Variants in SHLD1 observed in about 807,000 individuals in gnomAD.
SHLD1 encodes the protein shieldin complex subunit 1.
A neutral mutation model predicts 5.5 loss-of-function variants in SHLD1; 3 were observed. The observed-to-expected ratio is 0.54, with a 90% CI of 0.25 to 1.40. The LOEUF (loss-of-function observed/expected upper bound fraction) is 1.40, where lower values mean the gene tolerates loss of function less well. SHLD1 is among the 40% of genes most tolerant of loss of function. The pLI is 0.15. For synonymous variants in SHLD1, 92 were observed against 94.3 expected (o/e 0.98, Z 0.14); for missense variants, 210 against 244.4 (o/e 0.86, Z 0.94).
At chr20:5,766,937 T>C (rs190756712) in intron 1 of SHLD1, among the ~76,000 whole-genome samples, 94 of 152,144 alleles carry the variant, frequency 6.2e-4, no homozygotes, top group African/African-American at 2.0e-3. Flanking sequence ...ACATATGTTT[T>C]TGAGATCTTT....
intron 2 of SHLD1, among the ~76,000 whole-genome samples, chr20:5,785,701 C>G (rs1381593105): frequency 6.8e-6 from 1 of 147,306 alleles, no homozygotes; most frequent in Non-Finnish European, 1.5e-5. Flanking sequence ...GAGGCTGAGA[C>G]AGGAGAATTG....
At chr20:5,862,222 T>A (rs1355634193) in intron 2 of SHLD1, among the ~76,000 whole-genome samples, 2 of 152,202 alleles carry the variant, frequency 1.3e-5, no homozygotes, top group African/African-American at 4.8e-5. Context: ...AGCGTAAAAA[T>A]TTAAAACACC....
intron 2 of SHLD1, among the ~76,000 whole-genome samples, chr20:5,792,787 C>T (rs922098570): frequency 5.3e-5 from 8 of 151,966 alleles, no homozygotes; most frequent in Admixed American, 5.3e-4. Flanking sequence ...GATTCATGTG[C>T]CTCAGCCTCC....
At chr20:5,839,110 A>G (rs1568526614) in intron 2 of SHLD1, among the ~76,000 whole-genome samples, 1 of 152,178 alleles carries the variant, frequency 6.6e-6, no homozygotes, top group East Asian at 1.9e-4. Flanking sequence ...GAGCTCTTTA[A>G]TTTCTTTAGA....
intron 2 of SHLD1, among the ~76,000 whole-genome samples, chr20:5,849,018 T>C (rs2087966220): frequency 6.6e-6 from 1 of 152,210 alleles, no homozygotes; most frequent in Admixed American, 6.5e-5. Context: ...ATTAAATATC[T>C]TGATATCCAC....
chr20:5,776,542 C>G (rs1190631484), intron 2 of SHLD1, among the ~76,000 whole-genome samples: 1 of 152,038 alleles, frequency 6.6e-6, no homozygotes, highest in East Asian at 1.9e-4. Flanking sequence ...GCGGGTGCAT[C>G]GCCTGAGGTC....
chr20:5,817,391 ATT>A (rs1240799479), intron 2 of SHLD1, among the ~76,000 whole-genome samples: 7 of 87,596 alleles, frequency 8.0e-5, no homozygotes, highest in African/African-American at 2.7e-4. Flanking sequence ...CTCACGGGAT[ATT>A]TTCTCTCTCT....
rs533313849 is a variant in SHLD1 at position 5,775,923 on chromosome 20, A to ATTTTTTTTTTTTTTTTTTTTTT, written c.178+2881_178+2902dup. Reference sequence around the variant, plus strand: ...TGCAGTACTGCCTGGTCAGCTCAGGATTTTTTTTTTTTTTTTTTTTTTGAG... The same window carrying ATTTTTTTTTTTTTTTTTTTTTT: ...TGCAGTACTGCCTGGTCAGCTCAGGATTTTTTTTTTTTTTTTTTTTTTTTTTTTTTTTTTTTTTTTTTTTGAG... On this transcript the variant is annotated intron_variant, in intron 2 of 2. Coordinates refer to ENST00000303142, the MANE Select transcript of SHLD1 (RefSeq NM_152504.4). Among the ~76,000 whole-genome samples the ATTTTTTTTTTTTTTTTTTTTTT allele has an allele frequency of 4.4e-4, 34 of 77,664 alleles. 7 individuals carry two copies. Among genetic ancestry groups the ATTTTTTTTTTTTTTTTTTTTTT allele is most frequent in the African/African-American group, 9.5e-4 (16 of 16,784 alleles). The allele number at this position is 77,664 out of a possible 152,430, so 51.0% of individuals were successfully genotyped here.
At chr20:5,775,447 T>G (rs936002429) in intron 2 of SHLD1, among the ~76,000 whole-genome samples, 2 of 152,218 alleles carry the variant, frequency 1.3e-5, no homozygotes, top group African/African-American at 4.8e-5. Context: ...TTATTGCCTG[T>G]TAGTTGACTA....
chr20:5,817,821 A>G (rs936931148), intron 2 of SHLD1, among the ~76,000 whole-genome samples: 22 of 152,168 alleles, frequency 1.4e-4, no homozygotes, highest in African/African-American at 4.8e-4. Context: ...CAGAAATTCC[A>G]GGCACCTGAA....
intron 1 of SHLD1, among the ~76,000 whole-genome samples, chr20:5,758,958 T>G (rs1219643577): frequency 6.8e-6 from 1 of 147,434 alleles, no homozygotes; most frequent in Non-Finnish European, 1.5e-5. Context: ...CAAGTTTTTT[T>G]TTTTTTTTTT....
At position 5,775,417 on chromosome 20, in the gene SHLD1, G is replaced by A. The variant is rs545680036; in HGVS notation, c.178+2374G>A. Among the ~76,000 whole-genome samples, 6 of 152,282 alleles carry A rather than the reference G, an allele frequency of 3.9e-5. No individual in the cohort carries two copies. The South Asian group carries it at 1.2e-3, about 32-fold the overall frequency. On this transcript the variant is annotated intron_variant, in intron 2 of 2. Transcript: ENST00000303142. ...GCTCTATTCCCTTAGGGAATTCAGT[G>A]TGGACTCAGTTTTTACTTTTTATTG...
In SHLD1 at chr20:5,855,183, T is replaced by C. The variant is rs997647875; in HGVS notation, c.179-7841T>C. On this transcript the variant is annotated intron_variant, in intron 2 of 2. Coordinates refer to ENST00000303142, the MANE Select transcript of SHLD1 (RefSeq NM_152504.4). This position sits in a 1 kb window ranked among gnomAD's most constrained non-coding sequence, Gnocchi z 4.4. Reference sequence around the variant, plus strand: ...GTGAGCCATAGCACCCAACCCTGTCTCTATAAATCTGACCACTTTAGGTAC... The same window carrying C: ...GTGAGCCATAGCACCCAACCCTGTCCCTATAAATCTGACCACTTTAGGTAC... Among the ~76,000 whole-genome samples the C allele has an allele frequency of 4.6e-5, 7 of 152,114 alleles. No homozygotes were observed. Among genetic ancestry groups the C allele is most frequent in the Non-Finnish European group, 1.0e-4 (7 of 67,994 alleles).
At chr20:5,839,286 G>A (rs1357002012) in intron 2 of SHLD1, among the ~76,000 whole-genome samples, 1 of 152,150 alleles carries the variant, frequency 6.6e-6, no homozygotes, top group Non-Finnish European at 1.5e-5. Context: ...AAAAATAGCT[G>A]ACACATTCTC....
At chr20:5,787,934 C>T (rs993142882) in intron 2 of SHLD1, among the ~76,000 whole-genome samples, 4 of 152,136 alleles carry the variant, frequency 2.6e-5, no homozygotes, top group Non-Finnish European at 5.9e-5. Flanking sequence ...CTCTCAAAAG[C>T]CCCTGGCTTT....
In SHLD1 at chr20:5,755,565, CT is replaced by C. The variant is rs35303106; in HGVS notation, c.-5+5097del. Among the ~76,000 whole-genome samples, 107 of 146,930 alleles carry C rather than the reference CT, an allele frequency of 7.3e-4. 2 individuals are homozygous for C. The highest frequency in any genetic ancestry group is 8.6e-4 in the South Asian group (4 of 4,642). Reference sequence around the variant, plus strand: ...GGAAGAACATTTTCTTTTTCTTTTTCTTTTTTTTTTTGAGATGGAGTTTCAC... The same window carrying C: ...GGAAGAACATTTTCTTTTTCTTTTTCTTTTTTTTTTGAGATGGAGTTTCAC... On this transcript the variant is annotated intron_variant, in intron 1 of 2. Transcript: ENST00000303142.
At chr20:5,831,303 T>C (rs911417716) in intron 2 of SHLD1, among the ~76,000 whole-genome samples, 12 of 152,216 alleles carry the variant, frequency 7.9e-5, no homozygotes, top group African/African-American at 2.7e-4. Flanking sequence ...CCCACCTCCT[T>C]TGGGGGTCAA....
chr20:5,789,952 G>T (rs1479450225), intron 2 of SHLD1, among the ~76,000 whole-genome samples: 1 of 152,226 alleles, frequency 6.6e-6, no homozygotes, highest in African/African-American at 2.4e-5. Flanking sequence ...CCGGGAAGGG[G>T]AGATTAATAG....
intron 2 of SHLD1, among the ~76,000 whole-genome samples, chr20:5,860,327 C>T (rs925008490): frequency 6.6e-6 from 1 of 152,176 alleles, no homozygotes; most frequent in Non-Finnish European, 1.5e-5. Flanking sequence ...TCTATCCCCC[C>T]AGAGGTTTGT....
Sources: gnomAD v4.1 joint callset for allele counts (sites outside exome capture counted in the v4.1 genomes callset) on GRCh38, gnomAD v4.1.1 for gene constraint, Gnocchi (gnomAD v3.1) non-coding constraint, MANE v1.5 for transcripts, NCBI Gene and HGNC (gene_info 2026-07-23, HGNC 2026-07-21) for gene names.